COL13A1: variants seen among roughly 807,000 people sequenced by gnomAD.
COL13A1 encodes the protein collagen type XIII alpha 1 chain.
In COL13A1, 89 loss-of-function variants were observed where a neutral mutation model predicts 130.9. The observed-to-expected ratio is 0.68, with a 90% CI of 0.57 to 0.81. COL13A1 has a LOEUF of 0.81. Among genes scored for constraint, COL13A1 ranks in the 30% least tolerant of loss-of-function variants. The pLI, the probability that COL13A1 is intolerant of heterozygous loss-of-function variation, is 0.00. For missense variants in COL13A1, 879 were observed against 934.6 expected, an observed-to-expected ratio of 0.94 and a Z score of 0.78; for synonymous variants, 402 against 341.6, an observed-to-expected ratio of 1.18 and a Z score of -1.95.
chr10:69,846,558 C>T (rs992046303), intron 2 of COL13A1, among the ~76,000 whole-genome samples: 19 of 151,920 alleles, frequency 1.3e-4, no homozygotes, highest in African/African-American at 3.6e-4. Context: ...TCTTCCCCCA[C>T]CCTGCCCTCC....
intron 1 of COL13A1, among the ~76,000 whole-genome samples, chr10:69,806,576 C>A (rs73263786): frequency 6.6e-6 from 1 of 152,214 alleles, no homozygotes; most frequent in African/African-American, 2.4e-5. Context: ...GGACCCTTAA[C>A]GAGCACTCCA....
chr10:69,842,845 G>A (rs1851968153), intron 2 of COL13A1, among the ~76,000 whole-genome samples: 1 of 152,238 alleles, frequency 6.6e-6, no homozygotes, highest in South Asian at 2.1e-4. Context: ...GGGTTCCGCT[G>A]TGTGAGGGTT....
At chr10:69,899,068 C>T (rs2061939956) in intron 14 of COL13A1, among the ~76,000 whole-genome samples, 2 of 152,206 alleles carry the variant, frequency 1.3e-5, no homozygotes, top group African/African-American at 4.8e-5. Context: ...ATGAATTAGG[C>T]ATGATCATCC....
intron 28 of COL13A1, 93 bp from the exon 29 acceptor site, chr10:69,929,950 G>C (rs2065887529): frequency 9.6e-7 from 1 of 1,039,904 alleles, no homozygotes; most frequent in Non-Finnish European, 1.5e-6. Flanking sequence ...ATGGGAAAGT[G>C]TGGAGTGGGA....
At chr10:69,870,884 G>A (rs944757787) in intron 3 of COL13A1, among the ~76,000 whole-genome samples, 11 of 152,082 alleles carry the variant, frequency 7.2e-5, no homozygotes, top group Admixed American at 1.3e-4. Flanking sequence ...GCTGCAGTGA[G>A]GTAGGAGCAC....
intron 2 of COL13A1, among the ~76,000 whole-genome samples, chr10:69,864,621 G>T (rs1859272675): frequency 6.6e-6 from 1 of 152,166 alleles, no homozygotes; most frequent in Non-Finnish European, 1.5e-5. Context: ...AGTAGGCATT[G>T]TTAAGTGTTT....
intron 2 of COL13A1, among the ~76,000 whole-genome samples, chr10:69,858,488 C>A (rs190938048): frequency 3.0e-4 from 45 of 152,338 alleles, no homozygotes; most frequent in Non-Finnish European, 3.7e-4. Context: ...AAAGCCTATG[C>A]TCTTGTCCAG....
chr10:69,930,232 C>A, intron 29 of COL13A1, 145 bp downstream of exon 29: 1 of 1,067,000 alleles, frequency 9.4e-7, no homozygotes, highest in Non-Finnish European at 1.4e-6. Flanking sequence ...GGGAGAGGGG[C>A]CCACCCTGCA....
intron 12 of COL13A1, 129 bp downstream of exon 12, chr10:69,894,830 G>T: frequency 7.9e-7 from 1 of 1,258,702 alleles, no homozygotes; most frequent in Non-Finnish European, 1.1e-6. Flanking sequence ...CCCCCGAGGT[G>T]CCGCATAATA....
At chr10:69,916,948 CT>C (rs1415834088) in intron 17 of COL13A1, among the ~76,000 whole-genome samples, 2 of 152,196 alleles carry the variant, frequency 1.3e-5, no homozygotes, top group African/African-American at 2.4e-5. Flanking sequence ...GCTCCTGCCC[CT>C]GGTCCCGTCC....
At chr10:69,878,731 T>C (rs1024139004) in intron 6 of COL13A1, among the ~76,000 whole-genome samples, 5 of 152,226 alleles carry the variant, frequency 3.3e-5, no homozygotes, top group African/African-American at 1.2e-4. Context: ...ATCCGCCCAC[T>C]TGTCCTCCCA....
intron 2 of COL13A1, among the ~76,000 whole-genome samples, chr10:69,854,264 A>G (rs190897171): frequency 3.5e-4 from 53 of 152,236 alleles, no homozygotes; most frequent in African/African-American, 1.2e-3. Flanking sequence ...GGCCCTTTCT[A>G]TTCAAAAGAC....
In COL13A1 at chr10:69,802,100, C is replaced by T. The variant is rs1840164736; in HGVS notation, c.-324C>T. The T allele has an allele frequency of 1.8e-5, 5 of 280,056 alleles. No homozygotes were observed. The South Asian group carries it at 4.0e-4, about 22-fold the overall frequency. 17.3% of individuals were successfully genotyped at this position (280,056 alleles called of 1,614,324 possible). Reference sequence around the variant, plus strand: ...AGGACTGACAGCGCGGCACCAACTGCTCTGCAGACACTTGAAGGGAAAGAC... The same window carrying T: ...AGGACTGACAGCGCGGCACCAACTGTTCTGCAGACACTTGAAGGGAAAGAC... On this transcript the variant is annotated 5_prime_UTR_variant, in exon 1 of 41. Coordinates refer to ENST00000645393, the MANE Select transcript of COL13A1 (RefSeq NM_001368882.1).
At chr10:69,888,152 C>T (rs1181851555) in intron 8 of COL13A1, among the ~76,000 whole-genome samples, 152 bp from the exon 9 acceptor site, 2 of 152,214 alleles carry the variant, frequency 1.3e-5, no homozygotes, top group African/African-American at 4.8e-5. Context: ...CTAGGCTTAC[C>T]CATAGTCACA....
chr10:69,889,297 G>A, intron 9 of COL13A1, 117 bp from the exon 10 acceptor site: 2 of 1,269,228 alleles, frequency 1.6e-6, no homozygotes, highest in Non-Finnish European at 2.2e-6. Flanking sequence ...ACAGGGGACA[G>A]GGAGGAGCAC....
At chr10:69,871,001 A>G (rs2059014355) in intron 3 of COL13A1, among the ~76,000 whole-genome samples, 1 of 152,076 alleles carries the variant, frequency 6.6e-6, no homozygotes. Flanking sequence ...GTCGGTTGTA[A>G]GGACACAGTA....
chr10:69,857,283 T>G (rs762836078), intron 2 of COL13A1, among the ~76,000 whole-genome samples: 14 of 152,350 alleles, frequency 9.2e-5, no homozygotes, highest in Non-Finnish European at 1.5e-4. Context: ...TCTGTACTAT[T>G]TCACTCAAAA....
chr10:69,936,324 T>C (rs1291308095), intron 32 of COL13A1, among the ~76,000 whole-genome samples: 1 of 152,130 alleles, frequency 6.6e-6, no homozygotes, highest in African/African-American at 2.4e-5. Flanking sequence ...CATGCCTCTG[T>C]GTGGTTCATG....
chr10:69,944,305 C>T, intron 36 of COL13A1, 127 bp downstream of exon 36: 1 of 817,702 alleles, frequency 1.2e-6, no homozygotes, highest in Non-Finnish European at 2.0e-6. Context: ...CTCACAGCAG[C>T]CTGGGACAGG....
Sources: allele counts gnomAD v4.1 joint callset (sites outside exome capture counted in the v4.1 genomes callset), GRCh38; gene constraint gnomAD v4.1.1; transcripts MANE v1.5; gene names NCBI Gene and HGNC (gene_info 2026-07-23, HGNC 2026-07-21).